The following VANGL1 variants were observed in gnomAD, a reference collection of about 807,000 sequenced individuals.
VANGL1 encodes vang-like protein 1.
A neutral mutation model predicts 48.4 loss-of-function variants in VANGL1; 18 were observed. That is an observed-to-expected ratio of 0.37 (90% confidence interval 0.26 to 0.55). The LOEUF (loss-of-function observed/expected upper bound fraction) is 0.55, where lower values mean the gene tolerates loss of function less well. Among genes scored for constraint, VANGL1 ranks in the 20% least tolerant of loss-of-function variants. The pLI, the probability that VANGL1 is intolerant of heterozygous loss-of-function variation, is 0.81. For missense variants in VANGL1, 667 were observed against 675.8 expected, an observed-to-expected ratio of 0.99 and a Z score of 0.14; for synonymous variants, 257 against 261.8, an observed-to-expected ratio of 0.98 and a Z score of 0.18.
At chr1:115,671,010 T>A (rs1225259083) in intron 4 of VANGL1, 2 of 152,236 alleles carry the variant, frequency 1.3e-5, no homozygotes, top group Non-Finnish European at 2.9e-5. Flanking sequence ...GAGTGTAAGG[T>A]GCTGCACACT....
chr1:115,697,484 C>A lies in VANGL1; in HGVS notation c.*6105C>A, dbSNP rs748353186. ...TTAGCCAAATTTGATTTCCAACAGT[C>A]ATTTATGGCCATAACTATTGCATAG... On this transcript the variant is annotated 3_prime_UTR_variant, in exon 8 of 8. Coordinates refer to ENST00000355485, the MANE Select transcript of VANGL1 (RefSeq NM_138959.3). 5 of 152,162 alleles carry A rather than the reference C, an allele frequency of 3.3e-5. No homozygotes were observed. The highest frequency in any genetic ancestry group is 7.4e-5 in the Non-Finnish European group (5 of 68,022). The allele number at this position is 152,162 out of a possible 1,614,324, so 9.4% of individuals were successfully genotyped here. A position where few individuals can be genotyped will look rare whatever the true frequency, so the allele number is the denominator to read the frequency against.
chr1:115,691,061 A>G, intron 7 of VANGL1, 58 bp from the exon 8 acceptor site: 4 of 1,613,314 alleles, frequency 2.5e-6, no homozygotes, highest in Non-Finnish European at 3.4e-6. Flanking sequence ...GCCGCCTGGC[A>G]GTACTGCCCT....
chr1:115,651,385 C>T lies in VANGL1; in HGVS notation c.-29C>T, dbSNP rs375618149. 11 of 1,608,414 alleles carry T rather than the reference C, an allele frequency of 6.8e-6. No homozygotes were observed. The African/African-American group carries it at 1.1e-4, about 16-fold the overall frequency. On this transcript the variant is annotated 5_prime_UTR_variant, in exon 2 of 8. Coordinates refer to ENST00000355485, the MANE Select transcript of VANGL1 (RefSeq NM_138959.3). ...CCTCTAAGGAGAAACAGTACCTGCT[C>T]CTTCCTCAAGCGCAAGCCCTCCATT...
chr1:115,644,209 A>C (rs1189926797), intron 1 of VANGL1, among the ~76,000 whole-genome samples: 2 of 152,228 alleles, frequency 1.3e-5, no homozygotes, highest in Non-Finnish European at 2.9e-5. Flanking sequence ...TCAACGTTTA[A>C]GCCCTGGCTC....
intron 3 of VANGL1, 92 bp from the exon 4 acceptor site, chr1:115,663,555 TGTGAATAGGGCTGG>T (rs2101004610): frequency 1.3e-6 from 2 of 1,492,254 alleles, no homozygotes; most frequent in Non-Finnish European, 9.2e-7. Flanking sequence ...TGGAAGCCTT[TGTGAATAGGGCTGG>T]GTAGATGCAG....
intron 2 of VANGL1, 97 bp downstream of exon 2, chr1:115,651,581 A>G (rs2101305802): frequency 2.8e-6 from 3 of 1,064,112 alleles, no homozygotes; most frequent in South Asian, 2.6e-5. Flanking sequence ...AGCGCTGGAC[A>G]TTTGGTCGGT....
At chr1:115,661,751 G>A (rs1051277531) in intron 3 of VANGL1, among the ~76,000 whole-genome samples, 4 of 151,948 alleles carry the variant, frequency 2.6e-5, no homozygotes, top group Non-Finnish European at 5.9e-5. Context: ...CCGAATAGCC[G>A]GGATTACAGG....
intron 3 of VANGL1, among the ~76,000 whole-genome samples, 189 bp from the exon 4 acceptor site, chr1:115,663,472 C>A (rs1305653999): frequency 6.6e-6 from 1 of 152,210 alleles, no homozygotes; most frequent in Admixed American, 6.5e-5. Context: ...ATACCTCATA[C>A]ATTTTGAAAA....
intron 1 of VANGL1, among the ~76,000 whole-genome samples, chr1:115,649,586 A>C (rs1652071328): frequency 6.6e-6 from 1 of 152,236 alleles, no homozygotes; most frequent in Non-Finnish European, 1.5e-5. Flanking sequence ...TTTACCTAGC[A>C]CATCTGGAGC....
intron 4 of VANGL1, among the ~76,000 whole-genome samples, chr1:115,671,753 C>A (rs1030683428): frequency 2.6e-5 from 4 of 152,204 alleles, no homozygotes; most frequent in Admixed American, 2.6e-4. Context: ...ACAAGCAGGG[C>A]TGCATGCTCC....
intron 1 of VANGL1, 29 bp downstream of exon 1, chr1:115,642,115 G>A (rs1290718787): frequency 6.6e-6 from 1 of 151,586 alleles, no homozygotes; most frequent in Non-Finnish European, 1.5e-5. Flanking sequence ...CGAGCGCTGC[G>A]CGGCGGCGGT....
chr1:115,679,749 G>C (rs975492959), intron 4 of VANGL1, among the ~76,000 whole-genome samples: 6 of 152,202 alleles, frequency 3.9e-5, no homozygotes, highest in African/African-American at 1.4e-4. Context: ...GAGAACTTCT[G>C]ATGATTGCTT....
At chr1:115,664,532 C>A (rs1362010439) in intron 4 of VANGL1, among the ~76,000 whole-genome samples, 1 of 152,142 alleles carries the variant, frequency 6.6e-6, no homozygotes, top group African/African-American at 2.4e-5. Flanking sequence ...TGGCAGCTCC[C>A]AAAAATGATG....
intron 3 of VANGL1, among the ~76,000 whole-genome samples, chr1:115,662,012 A>G (rs1373282174): frequency 6.6e-6 from 1 of 152,238 alleles, no homozygotes; most frequent in Non-Finnish European, 1.5e-5. Context: ...TGAAACCGCC[A>G]GAGTGGTTTT....
chr1:115,678,413 T>G (rs1197863665), intron 4 of VANGL1, among the ~76,000 whole-genome samples: 7 of 152,188 alleles, frequency 4.6e-5, no homozygotes, highest in African/African-American at 1.7e-4. Context: ...GGCCATGGCA[T>G]AGTAATTAGG....
intron 2 of VANGL1, among the ~76,000 whole-genome samples, chr1:115,658,344 ACT>A (rs1394175638): frequency 6.6e-6 from 1 of 152,206 alleles, no homozygotes; most frequent in African/African-American, 2.4e-5. Flanking sequence ...GGTTATACAC[ACT>A]CTGCATCACT....
At chr1:115,652,753 A>G (rs556333935) in intron 2 of VANGL1, among the ~76,000 whole-genome samples, 10 of 152,298 alleles carry the variant, frequency 6.6e-5, no homozygotes, top group Non-Finnish European at 1.0e-4. Context: ...AGTGAGCTAC[A>G]TATATCTAAT....
chr1:115,643,095 T>C (rs1474064353), intron 1 of VANGL1, among the ~76,000 whole-genome samples: 1 of 152,202 alleles, frequency 6.6e-6, no homozygotes, highest in Non-Finnish European at 1.5e-5. Context: ...CTTATGATGA[T>C]GATTGTGTAG....
At chr1:115,671,576 C>T (rs145268501) in intron 4 of VANGL1, among the ~76,000 whole-genome samples, 86 of 152,344 alleles carry the variant, frequency 5.6e-4, no homozygotes, top group African/African-American at 2.0e-3. Flanking sequence ...GCACCCTAAG[C>T]AGGCTGCTGT....
Sources: allele counts gnomAD v4.1 joint callset (sites outside exome capture counted in the v4.1 genomes callset), GRCh38; gene constraint gnomAD v4.1.1; transcripts MANE v1.5; gene names NCBI Gene and HGNC (gene_info 2026-07-23, HGNC 2026-07-21).